The following KLHL2 variants were observed in gnomAD, a reference collection of about 807,000 sequenced individuals.
KLHL2 encodes kelch-like protein 2.
Under a neutral mutation model 75.8 loss-of-function variants are expected in KLHL2, and 15 were observed. The ratio of observed to expected loss-of-function variants is 0.20; its 90% CI spans 0.13 to 0.30. The LOEUF (loss-of-function observed/expected upper bound fraction) is 0.30, where lower values mean the gene tolerates loss of function less well. Among genes scored for constraint, KLHL2 ranks in the 10% least tolerant of loss-of-function variants. The probability of loss-of-function intolerance (pLI) is 1.00; values close to 1 mark genes in which losing one functional copy is unlikely to be tolerated. For missense variants in KLHL2, 381 were observed against 741.0 expected, an observed-to-expected ratio of 0.51 and a Z score of 5.64; for synonymous variants, 214 against 251.9, an observed-to-expected ratio of 0.85 and a Z score of 1.42.
intron 5 of KLHL2, among the ~76,000 whole-genome samples, chr4:165,265,636 C>T (rs1742183432): frequency 6.6e-6 from 1 of 152,094 alleles, no homozygotes; most frequent in Non-Finnish European, 1.5e-5. Flanking sequence ...ATCCATGTCC[C>T]TGCAAAGGAC....
intron 4 of KLHL2, among the ~76,000 whole-genome samples, chr4:165,261,340 A>ATTTTTTT (rs375363095): frequency 1.3e-5 from 2 of 151,682 alleles, no homozygotes; most frequent in Non-Finnish European, 1.5e-5. Context: ...TTTATTTTCT[A>ATTTTTTT]TTTTTATTTT....
chr4:165,212,557 C>T (rs986873960), intron 1 of KLHL2, among the ~76,000 whole-genome samples: 1 of 152,104 alleles, frequency 6.6e-6, no homozygotes, highest in African/African-American at 2.4e-5. Context: ...AAAAACAAGC[C>T]CCTGCTTTTT....
intron 9 of KLHL2, among the ~76,000 whole-genome samples, chr4:165,308,096 T>C (rs1745871573): frequency 6.6e-6 from 1 of 152,232 alleles, no homozygotes; most frequent in South Asian, 2.1e-4. Context: ...CTTTATAATA[T>C]GTTTTACTAT....
At chr4:165,235,171 A>T (rs1560992613) in intron 3 of KLHL2, among the ~76,000 whole-genome samples, 1 of 152,254 alleles carries the variant, frequency 6.6e-6, no homozygotes, top group African/African-American at 2.4e-5. Context: ...GCTATATTTT[A>T]TGTATTTATT....
intron 8 of KLHL2, among the ~76,000 whole-genome samples, chr4:165,302,312 A>G (rs949751609): frequency 1.3e-5 from 2 of 151,930 alleles, no homozygotes; most frequent in Non-Finnish European, 2.9e-5. Flanking sequence ...GATTAAGTCT[A>G]AGGAGTTGGG....
chr4:165,215,874 C>G (rs1357692075), intron 1 of KLHL2, among the ~76,000 whole-genome samples: 1 of 152,036 alleles, frequency 6.6e-6, no homozygotes, highest in South Asian at 2.1e-4. Context: ...CTGGCTTTCT[C>G]CTATACTCCT....
chr4:165,305,752 C>T, intron 9 of KLHL2, 27 bp downstream of exon 9: 1 of 1,440,894 alleles, frequency 6.9e-7, no homozygotes, highest in Non-Finnish European at 9.8e-7. Context: ...ATGGTCAATT[C>T]TCTACTCCTG....
chr4:165,322,103 C>T lies in KLHL2; in HGVS notation c.*43C>T, dbSNP rs1259689125. 3 of 1,560,056 alleles carry T rather than the reference C, an allele frequency of 1.9e-6. No individual in the cohort carries two copies. Among genetic ancestry groups the T allele is most frequent in the Admixed American group, 1.7e-5 (1 of 59,856 alleles). On this transcript the variant is annotated 3_prime_UTR_variant, in exon 15 of 15. Coordinates refer to ENST00000226725, the MANE Select transcript of KLHL2 (RefSeq NM_007246.4). ...AGCATATTTATACATGAGAAACAGCCTTCAACAAGTATTTGTGAAGTGACT... is the reference window on the plus strand; with the variant it reads ...AGCATATTTATACATGAGAAACAGCTTTCAACAAGTATTTGTGAAGTGACT...
At chr4:165,260,040 C>T (rs1347877884) in intron 4 of KLHL2, among the ~76,000 whole-genome samples, 4 of 151,956 alleles carry the variant, frequency 2.6e-5, no homozygotes, top group Admixed American at 2.6e-4. Flanking sequence ...TGTTTGGCAC[C>T]CAAAATAAGC....
At chr4:165,225,451 A>T (rs899151007) in intron 2 of KLHL2, among the ~76,000 whole-genome samples, 1 of 152,236 alleles carries the variant, frequency 6.6e-6, no homozygotes, top group African/African-American at 2.4e-5. Context: ...ATTTTGCTAA[A>T]TAACAACTTA....
intron 1 of KLHL2, among the ~76,000 whole-genome samples, chr4:165,219,256 T>G (rs1207678585): frequency 6.6e-6 from 1 of 152,268 alleles, no homozygotes; most frequent in Admixed American, 6.5e-5. Flanking sequence ...CTGGCCATAC[T>G]CTTACCCAGC....
chr4:165,278,137 C>T, intron 5 of KLHL2: 3 of 1,532,474 alleles, frequency 2.0e-6, no homozygotes, highest in South Asian at 1.1e-5. Flanking sequence ...CAGCTTTCTT[C>T]CATGTAGAAT....
intron 5 of KLHL2, among the ~76,000 whole-genome samples, chr4:165,269,575 C>T (rs1203843997): frequency 6.7e-6 from 1 of 149,890 alleles, no homozygotes; most frequent in East Asian, 1.9e-4. Context: ...ACTTATGAAG[C>T]TGAGTTTGGC....
intron 5 of KLHL2, among the ~76,000 whole-genome samples, chr4:165,285,974 A>G (rs1330186004): frequency 6.6e-6 from 1 of 152,176 alleles, no homozygotes; most frequent in South Asian, 2.1e-4. Context: ...AGTGAAGTGC[A>G]GTATCAATTT....
chr4:165,219,420 A>G (rs1737810497), intron 1 of KLHL2, among the ~76,000 whole-genome samples: 4 of 152,278 alleles, frequency 2.6e-5, no homozygotes, highest in Non-Finnish European at 4.4e-5. Flanking sequence ...CTCAATAACT[A>G]TTAACTAACA....
chr4:165,229,014 T>A (rs1738673493), intron 3 of KLHL2, 101 bp downstream of exon 3: 2 of 657,016 alleles, frequency 3.0e-6, no homozygotes, highest in Non-Finnish European at 5.3e-6. Flanking sequence ...TTTTATGAAA[T>A]GAAGAATTAT....
chr4:165,248,795 A>G (rs1239298115), intron 4 of KLHL2, among the ~76,000 whole-genome samples: 1 of 152,218 alleles, frequency 6.6e-6, no homozygotes, highest in East Asian at 1.9e-4. Context: ...AAGTCTTACT[A>G]TGTAGTGTGG....
chr4:165,211,484 C>G lies in KLHL2; in HGVS notation c.26+3582C>G, dbSNP rs139866763. 1.5e-4 allele frequency among the ~76,000 whole-genome samples: 23 copies of G among 152,288 alleles called. No homozygotes were observed. The East Asian group carries it at 4.2e-3, about 28-fold the overall frequency. On this transcript the variant is annotated intron_variant, in intron 1 of 14. Coordinates refer to ENST00000226725, the MANE Select transcript of KLHL2 (RefSeq NM_007246.4). ...GACCTTTAATGTTCTTTCTAAGATTCAATTGCTGTGAATTTGGAACCTTGC... is the reference window on the plus strand; with the variant it reads ...GACCTTTAATGTTCTTTCTAAGATTGAATTGCTGTGAATTTGGAACCTTGC...
chr4:165,248,206 G>A (rs1740416149), intron 4 of KLHL2, among the ~76,000 whole-genome samples: 1 of 152,112 alleles, frequency 6.6e-6, no homozygotes. Flanking sequence ...GTGGTAGTTG[G>A]AACTCAGGAA....
Sources: gnomAD v4.1 joint callset for allele counts (sites outside exome capture counted in the v4.1 genomes callset) on GRCh38, gnomAD v4.1.1 for gene constraint, MANE v1.5 for transcripts, NCBI Gene and HGNC (gene_info 2026-07-23, HGNC 2026-07-21) for gene names.